Variants in ZNF670 observed in about 807,000 individuals in gnomAD.
ZNF670 encodes the protein zinc finger protein 670.
A neutral mutation model predicts 10.9 loss-of-function variants in ZNF670; 7 were observed. The ratio of observed to expected loss-of-function variants is 0.64; its 90% confidence interval spans 0.36 to 1.20. The LOEUF (loss-of-function observed/expected upper bound fraction) is 1.20. Among genes scored for constraint, ZNF670 ranks in the 50% most tolerant of loss-of-function variants. ZNF670 has a pLI of 0.02. For synonymous variants in ZNF670, 136 were observed against 152.7 expected (o/e 0.89, Z 0.81); for missense variants, 446 against 458.6 (o/e 0.97, Z 0.25).
intron 1 of ZNF670, among the ~76,000 whole-genome samples, chr1:247,061,891 A>G (rs1670867657): frequency 6.6e-6 from 1 of 152,216 alleles, no homozygotes; most frequent in South Asian, 2.1e-4. Context: ...GATTATTGGG[A>G]TTAAACAAAA....
intron 1 of ZNF670, among the ~76,000 whole-genome samples, chr1:247,069,255 C>T (rs1558346953): frequency 6.6e-6 from 1 of 150,942 alleles, no homozygotes; most frequent in Non-Finnish European, 1.5e-5. Flanking sequence ...TTTCACATTG[C>T]ATACCTGTAT....
intron 1 of ZNF670, among the ~76,000 whole-genome samples, chr1:247,071,556 C>T (rs1323034915): frequency 6.6e-6 from 1 of 152,150 alleles, no homozygotes; most frequent in Non-Finnish European, 1.5e-5. Flanking sequence ...ATTTGCACAC[C>T]CAGTCCCACC....
At position 247,039,445 on chromosome 1, in the gene ZNF670, C is replaced by G; in HGVS notation, c.96G>C (p.Val32=). 6.2e-7 allele frequency: 1 copy of G among 1,606,708 alleles called. No homozygotes were observed. Among genetic ancestry groups the G allele is most frequent in the Non-Finnish European group, 8.5e-7 (1 of 1,177,186 alleles). ...CCAGGTTCCTGAAGATTTCTTGCAT[C>G]ACATCTCTGTAGAGATTCTTTTGAG... ...DPSQKNLYRD[V]MQEIFRNLAS... is the part of the protein sequence containing the mutation. The change falls in exon 2 of 4, where the codon GTG becomes GTC. Residue 32 remains valine (V), a synonymous_variant. Transcript: ENST00000366503.
chr1:247,052,622 G>A (rs74155749), intron 1 of ZNF670, among the ~76,000 whole-genome samples: 1,998 of 152,204 alleles, frequency 0.013, 42 homozygotes, highest in African/African-American at 0.046. Context: ...CAGAATCTCT[G>A]GTTAGCCAGG....
At chr1:247,076,900 A>T (rs961909294) in intron 1 of ZNF670, among the ~76,000 whole-genome samples, 2 of 152,160 alleles carry the variant, frequency 1.3e-5, no homozygotes, top group Admixed American at 1.3e-4. Flanking sequence ...ACCTCAAGTG[A>T]TCTGCCTCCC....
At chr1:247,061,442 A>C (rs1670857839) in intron 1 of ZNF670, among the ~76,000 whole-genome samples, 1 of 152,158 alleles carries the variant, frequency 6.6e-6, no homozygotes, top group Non-Finnish European at 1.5e-5. Flanking sequence ...TGCTGGGATT[A>C]CAGGCGAACT....
At chr1:247,042,490 GAAGAA>G (rs1245662058) in intron 1 of ZNF670, among the ~76,000 whole-genome samples, 1 of 152,224 alleles carries the variant, frequency 6.6e-6, no homozygotes, top group Non-Finnish European at 1.5e-5. Flanking sequence ...TTTGAATGAG[GAAGAA>G]AAGGAGCCAG....
chr1:247,076,811 C>A (rs530290875), intron 1 of ZNF670, among the ~76,000 whole-genome samples: 1 of 152,332 alleles, frequency 6.6e-6, no homozygotes, highest in Non-Finnish European at 1.5e-5. Flanking sequence ...CAGGCATGCA[C>A]CACCAGACTG....
intron 1 of ZNF670, among the ~76,000 whole-genome samples, chr1:247,046,374 G>A (rs1351184275): frequency 6.6e-6 from 1 of 152,148 alleles, no homozygotes; most frequent in Admixed American, 6.5e-5. Context: ...AAGCATCACT[G>A]CCCTGTGCAG....
At chr1:247,038,525 G>A in intron 3 of ZNF670, 98 bp from the exon 4 acceptor site, 1 of 1,272,810 alleles carries the variant, frequency 7.9e-7, no homozygotes, top group South Asian at 1.5e-5. Flanking sequence ...TATCTAAATT[G>A]TTTTAAAGTA....
chr1:247,044,113 G>A (rs1670383075), intron 1 of ZNF670: 1 of 163,860 alleles, frequency 6.1e-6, no homozygotes, highest in Non-Finnish European at 1.3e-5. Flanking sequence ...AAATACAGCA[G>A]AACTATGTAT....
chr1:247,075,742 T>G (rs1223605780), intron 1 of ZNF670, among the ~76,000 whole-genome samples: 1 of 152,236 alleles, frequency 6.6e-6, no homozygotes, highest in Admixed American at 6.5e-5. Flanking sequence ...ATATAAGTCC[T>G]TTAAATCTCT....
intron 1 of ZNF670, among the ~76,000 whole-genome samples, chr1:247,048,263 A>G (rs4971319): frequency 0.33 from 49,621 of 151,930 alleles, 8,933 homozygotes; most frequent in African/African-American, 0.46. Flanking sequence ...ATCTCTCTCA[A>G]TTTCAAAGTT....
chr1:247,039,363 A>G (rs1468735250), intron 2 of ZNF670, 48 bp downstream of exon 2: 1 of 1,585,490 alleles, frequency 6.3e-7, no homozygotes, highest in South Asian at 1.1e-5. Flanking sequence ...GCCCAGCCAA[A>G]ACACTTGCGT....
At chr1:247,044,699 A>G (rs1670398112) in intron 1 of ZNF670, among the ~76,000 whole-genome samples, 1 of 152,200 alleles carries the variant, frequency 6.6e-6, no homozygotes, top group South Asian at 2.1e-4. Context: ...AAATTAATGC[A>G]TTGACAGAAA....
Position 247,038,411 on chromosome 1 carries a change from T to C in ZNF670, c.208A>G (p.Arg70Gly), listed in dbSNP as rs1208970263. ...GRNLSSHVVERLFEIKEGSQY... is the reference protein window; with the variant it reads ...GRNLSSHVVEGLFEIKEGSQY... Reference sequence around the variant, plus strand: ...CTGCCTTCTTTAATTTCAAACAGTCTCTCTACCACATGACTGCTGTAAAAA... The same window carrying C: ...CTGCCTTCTTTAATTTCAAACAGTCCCTCTACCACATGACTGCTGTAAAAA... Residue 70 changes from arginine to glycine, a missense_variant, in exon 4 of 4, where the codon AGA becomes GGA. Physicochemically the swap from Arg to Gly is moderately radical, Grantham distance 125 (BLOSUM62 -2). Transcript: ENST00000366503. The C allele has an allele frequency of 6.2e-7, 1 of 1,609,164 alleles. No homozygotes were observed. Among genetic ancestry groups the C allele is most frequent in the East Asian group, 2.2e-5 (1 of 44,852 alleles).
Position 247,034,952 on chromosome 1 carries a change from C to A in ZNF670, c.*2497G>T, listed in dbSNP as rs529783019. ...ACACAGGTCAAGGTGGAACATACAT[C>A]CTCCTGGGGAACGGCTGGTCAACCA... On this transcript the variant is annotated 3_prime_UTR_variant, in exon 4 of 4. Transcript: ENST00000366503. 6.6e-6 allele frequency among the ~76,000 whole-genome samples: 1 copy of A among 152,284 alleles called. No homozygotes were observed. The highest frequency in any genetic ancestry group is 2.1e-4 in the South Asian group (1 of 4,830).
rs189243192 is a variant in ZNF670, at chr1:247,047,933, G to A, written c.4-8396C>T. Among the ~76,000 whole-genome samples, 61 of 152,316 alleles carry A rather than the reference G, an allele frequency of 4.0e-4. No individual in the cohort carries two copies. In the East Asian group the frequency reaches 9.9e-3, roughly 25 times the overall value. On this transcript the variant is annotated intron_variant, in intron 1 of 3. Transcript: ENST00000366503. ...TCCTATGCCTCCAAGCCTGTGATGGGAGGGACTGCCGTGAAGACCTCTGAC... is the reference window on the plus strand; with the variant it reads ...TCCTATGCCTCCAAGCCTGTGATGGAAGGGACTGCCGTGAAGACCTCTGAC...
chr1:247,040,762 G>A (rs61172856), intron 1 of ZNF670, among the ~76,000 whole-genome samples: 35,244 of 151,740 alleles, frequency 0.23, 4,581 homozygotes, highest in Middle Eastern at 0.36. Flanking sequence ...GCGTGATCTC[G>A]GCTCACCACA....
Sources: gnomAD v4.1 joint callset for allele counts (sites outside exome capture counted in the v4.1 genomes callset) on GRCh38, gnomAD v4.1.1 for gene constraint, MANE v1.5 for transcripts, NCBI Gene and HGNC (gene_info 2026-07-23, HGNC 2026-07-21) for gene names.